PACS1: variants seen among roughly 807,000 people sequenced by gnomAD.
PACS1 encodes phosphofurin acidic cluster sorting protein 1.
A neutral mutation model predicts 115.0 loss-of-function variants in PACS1; 24 were observed. The ratio of observed to expected loss-of-function variants is 0.21; its 90% CI spans 0.15 to 0.29. The LOEUF (loss-of-function observed/expected upper bound fraction) is 0.29. PACS1 is among the 10% of genes least tolerant of loss of function. PACS1 has a pLI of 1.00. For missense variants in PACS1, 838 were observed against 1,251.2 expected, an observed-to-expected ratio of 0.67 and a Z score of 4.98; for synonymous variants, 453 against 504.5, an observed-to-expected ratio of 0.90 and a Z score of 1.37.
intron 2 of PACS1, among the ~76,000 whole-genome samples, chr11:66,196,151 C>T (rs184120382): frequency 8.5e-5 from 13 of 152,226 alleles, no homozygotes; most frequent in Admixed American, 8.5e-4. Flanking sequence ...GTCACTTGAG[C>T]CTAGGAGCTG....
At chr11:66,134,566 A>AT (rs11349988) in intron 1 of PACS1, among the ~76,000 whole-genome samples, 11 of 150,312 alleles carry the variant, frequency 7.3e-5, no homozygotes, top group Non-Finnish European at 1.2e-4. Flanking sequence ...TTTTTGATGT[A>AT]TTTTTTTTTC....
rs1001070495 is a variant in PACS1 at position 66,236,752 on chromosome 11, A to G, written c.2250+812A>G. 2.0e-5 allele frequency among the ~76,000 whole-genome samples: 3 copies of G among 149,980 alleles called. No individual in the cohort carries two copies. Among genetic ancestry groups the G allele is most frequent in the Non-Finnish European group, 3.0e-5 (2 of 67,608 alleles). ...ACATTTCCCTTCGAAACCAGCTTCT[A>G]TCTTTTTTTATTATTTTTTTTTTTT... is the stretch of plus-strand genomic sequence containing the variant. On this transcript the variant is annotated intron_variant, in intron 19 of 23. Coordinates refer to ENST00000320580, the MANE Select transcript of PACS1 (RefSeq NM_018026.4). This position sits in a 1 kb window ranked among gnomAD's most constrained non-coding sequence, Gnocchi z 4.2.
chr11:66,077,601 T>C (rs1265375974), intron 1 of PACS1, among the ~76,000 whole-genome samples: 2 of 152,156 alleles, frequency 1.3e-5, no homozygotes, highest in Non-Finnish European at 2.9e-5. Context: ...AAGTCATTAC[T>C]TTCCTTGTGT....
intron 1 of PACS1, among the ~76,000 whole-genome samples, chr11:66,090,384 C>T (rs1210401350): frequency 2.0e-5 from 3 of 151,462 alleles, no homozygotes; most frequent in African/African-American, 7.3e-5. Context: ...GCAATCCTCC[C>T]ATCTCAGCCT....
chr11:66,140,118 A>G (rs948324635), intron 1 of PACS1, among the ~76,000 whole-genome samples: 1 of 152,230 alleles, frequency 6.6e-6, no homozygotes, highest in African/African-American at 2.4e-5. Context: ...ACCATAGCTC[A>G]GTGCTTCTCA....
rs186526679 is a variant in PACS1 at position 66,198,203 on chromosome 11, A to G, written c.444+4630A>G. On this transcript the variant is annotated intron_variant, in intron 2 of 23. Coordinates refer to ENST00000320580, the MANE Select transcript of PACS1 (RefSeq NM_018026.4). ...GCTGGGATTATAGGCTTGTGCCACCATGCCCGGTTCTCAAAAGGTTAAAGA... is the reference window on the plus strand; with the variant it reads ...GCTGGGATTATAGGCTTGTGCCACCGTGCCCGGTTCTCAAAAGGTTAAAGA... Among the ~76,000 whole-genome samples the G allele has an allele frequency of 2.6e-5, 4 of 152,344 alleles. No individual in the cohort carries two copies. In the East Asian group the frequency reaches 5.8e-4, roughly 22 times the overall value.
intron 1 of PACS1, among the ~76,000 whole-genome samples, chr11:66,172,085 A>G (rs947707981): frequency 3.3e-5 from 5 of 152,198 alleles, no homozygotes; most frequent in South Asian, 2.1e-4. Context: ...CTGTGCGTAA[A>G]TCAGACATTG....
intron 1 of PACS1, among the ~76,000 whole-genome samples, chr11:66,089,303 C>G (rs1857619673): frequency 6.6e-6 from 1 of 152,142 alleles, no homozygotes; most frequent in Non-Finnish European, 1.5e-5. Context: ...AGACATTTTG[C>G]TCTTATTATG....
At chr11:66,227,924 G>A (rs910520116) in intron 11 of PACS1, among the ~76,000 whole-genome samples, 8 of 152,102 alleles carry the variant, frequency 5.3e-5, no homozygotes, top group African/African-American at 1.4e-4. Flanking sequence ...TGCTGTTTCC[G>A]TGGCCAGGCA....
At chr11:66,132,315 T>G (rs1215617491) in intron 1 of PACS1, among the ~76,000 whole-genome samples, 2 of 152,286 alleles carry the variant, frequency 1.3e-5, no homozygotes, top group East Asian at 3.9e-4. Flanking sequence ...TCACGATGAT[T>G]GTGAGTTTCC....
At chr11:66,150,585 C>A (rs1410997593) in intron 1 of PACS1, among the ~76,000 whole-genome samples, 1 of 152,164 alleles carries the variant, frequency 6.6e-6, no homozygotes, top group Non-Finnish European at 1.5e-5. Context: ...GACTTTGCCA[C>A]TGAAGTGTTA....
Position 66,216,751 on chromosome 11 carries a change from A to G in PACS1, c.954A>G (p.Leu318=), listed in dbSNP as rs1247160358. 6.2e-7 allele frequency: 1 copy of G among 1,613,928 alleles called. No homozygotes were observed. Among genetic ancestry groups the G allele is most frequent in the East Asian group, 2.2e-5 (1 of 44,862 alleles). ...LRKVKKTRRK[L]TSTSAITRQP... is the part of the protein sequence containing the mutation. ...AAGTGAAGAAGACCCGGAGGAAACT[A>G]ACCTCAACCTCTGCCATCACAAGGG... The change falls in exon 7 of 24, where the codon CTA becomes CTG. Residue 318 remains leucine (L), a synonymous_variant. Coordinates refer to ENST00000320580, the MANE Select transcript of PACS1 (RefSeq NM_018026.4).
chr11:66,110,721 C>T (rs1223917929), intron 1 of PACS1, among the ~76,000 whole-genome samples: 1 of 152,104 alleles, frequency 6.6e-6, no homozygotes, highest in Non-Finnish European at 1.5e-5. Flanking sequence ...AGGTGTGCAC[C>T]ACCATGCCCA....
chr11:66,161,291 A>C (rs1178101409), intron 1 of PACS1, among the ~76,000 whole-genome samples: 1 of 152,108 alleles, frequency 6.6e-6, no homozygotes, highest in Non-Finnish European at 1.5e-5. Flanking sequence ...GCTGAAAGGC[A>C]CTAAAAAAAA....
intron 10 of PACS1, among the ~76,000 whole-genome samples, chr11:66,225,901 G>C (rs946191028): frequency 6.6e-6 from 1 of 152,176 alleles, no homozygotes; most frequent in Non-Finnish European, 1.5e-5. Flanking sequence ...GGGCGTGGTG[G>C]CTCACACCTG....
chr11:66,124,822 GGTGAGTCCA>G (rs1858533008), intron 1 of PACS1, among the ~76,000 whole-genome samples: 1 of 152,144 alleles, frequency 6.6e-6, no homozygotes, highest in East Asian at 1.9e-4. Flanking sequence ...CTGGGGCAAG[GGTGAGTCCA>G]GTGCTGGTTA....
At chr11:66,109,638 C>T (rs1321177668) in intron 1 of PACS1, among the ~76,000 whole-genome samples, 1 of 152,168 alleles carries the variant, frequency 6.6e-6, no homozygotes, top group Non-Finnish European at 1.5e-5. Context: ...CAGCCTTTAT[C>T]TTCCACATTT....
intron 1 of PACS1, among the ~76,000 whole-genome samples, chr11:66,075,432 G>C (rs1857377786): frequency 6.6e-6 from 1 of 151,982 alleles, no homozygotes; most frequent in Non-Finnish European, 1.5e-5. Context: ...TGTAGAGATG[G>C]GGTCTTGCTG....
At chr11:66,103,268 A>G (rs1335704019) in intron 1 of PACS1, among the ~76,000 whole-genome samples, 4 of 152,068 alleles carry the variant, frequency 2.6e-5, no homozygotes, top group Non-Finnish European at 5.9e-5. Flanking sequence ...CTTTTTTCAG[A>G]TAAGTTCAAC....
Sources: gnomAD v4.1 joint callset for allele counts (sites outside exome capture counted in the v4.1 genomes callset) on GRCh38, gnomAD v4.1.1 for gene constraint, Gnocchi (gnomAD v3.1) non-coding constraint, MANE v1.5 for transcripts, NCBI Gene and HGNC (gene_info 2026-07-23, HGNC 2026-07-21) for gene names.